The following GABBR2 variants were observed in gnomAD, a reference collection of about 807,000 sequenced individuals.
GABBR2 encodes G-protein coupled receptor 51.
GABBR2 carries 23 observed loss-of-function variants against 105.6 expected under a neutral mutation model. The ratio of observed to expected loss-of-function variants is 0.22; its 90% CI spans 0.16 to 0.31. GABBR2 has a LOEUF of 0.31. Ranked by LOEUF, GABBR2 falls within the 10% of genes least tolerant of loss-of-function variation. GABBR2 has a pLI of 1.00. For synonymous variants in GABBR2, 478 were observed against 499.7 expected (o/e 0.96, Z 0.58); for missense variants, 734 against 1,245.5 (o/e 0.59, Z 6.18).
intron 1 of GABBR2, among the ~76,000 whole-genome samples, chr9:98,707,009 T>C (rs1419809156): frequency 2.6e-5 from 4 of 152,172 alleles, no homozygotes; most frequent in Non-Finnish European, 5.9e-5. Flanking sequence ...AGGACGCCTC[T>C]CCGCCTGCAG....
intron 15 of GABBR2, 135 bp from the exon 16 acceptor site, chr9:98,303,558 C>A: frequency 2.7e-6 from 2 of 748,308 alleles, no homozygotes; most frequent in South Asian, 1.8e-5. Flanking sequence ...GGCTGGGAGT[C>A]AGGAGACCTA....
chr9:98,699,402 C>G (rs988437151), intron 1 of GABBR2, among the ~76,000 whole-genome samples: 1 of 152,004 alleles, frequency 6.6e-6, no homozygotes, highest in African/African-American at 2.4e-5. Flanking sequence ...AATAAGAACC[C>G]GAAAGAATGA....
At chr9:98,628,980 T>C (rs911587326) in intron 1 of GABBR2, among the ~76,000 whole-genome samples, 1 of 152,216 alleles carries the variant, frequency 6.6e-6, no homozygotes, top group Non-Finnish European at 1.5e-5. Context: ...GCTTGCCTTC[T>C]TGATCAATGT....
intron 11 of GABBR2, among the ~76,000 whole-genome samples, chr9:98,380,843 C>T (rs184894339): frequency 2.2e-4 from 34 of 152,320 alleles, no homozygotes; most frequent in Admixed American, 2.2e-3. Flanking sequence ...CTAGAGAGGC[C>T]TAATCTTGTG....
intron 11 of GABBR2, among the ~76,000 whole-genome samples, chr9:98,383,171 C>T (rs1176836293): frequency 6.6e-6 from 1 of 152,132 alleles, no homozygotes; most frequent in Admixed American, 6.5e-5. Context: ...GAACTCCTGA[C>T]CTCGGGTGAT....
At chr9:98,475,572 C>A (rs889808995) in intron 5 of GABBR2, among the ~76,000 whole-genome samples, 2 of 152,156 alleles carry the variant, frequency 1.3e-5, no homozygotes, top group African/African-American at 4.8e-5. Flanking sequence ...CACAACTACC[C>A]TATGAGGTAT....
At chr9:98,638,870 C>T (rs1157679474) in intron 1 of GABBR2, among the ~76,000 whole-genome samples, 1 of 152,224 alleles carries the variant, frequency 6.6e-6, no homozygotes, top group African/African-American at 2.4e-5. Flanking sequence ...AAAAGTTAAT[C>T]ACTTCTGTCT....
intron 11 of GABBR2, among the ~76,000 whole-genome samples, chr9:98,378,895 G>A (rs780121022): frequency 3.3e-5 from 5 of 152,194 alleles, no homozygotes; most frequent in Non-Finnish European, 1.5e-5. Context: ...CTTTTTTTAA[G>A]TAGAAAAGTA....
chr9:98,640,259 C>G (rs1203704886), intron 1 of GABBR2, among the ~76,000 whole-genome samples: 1 of 151,908 alleles, frequency 6.6e-6, no homozygotes, highest in African/African-American at 2.4e-5. Flanking sequence ...GTAGGTGCAC[C>G]AGTAACACAT....
Position 98,577,975 on chromosome 9 carries a change from G to C in GABBR2, c.419C>G (p.Ser140Cys). ...VFGGVCPSVT[S>C]IIAESLQGWN... ...GCCTTGGAGGGACTCTGCAATGATG[G>C]ATGTGACGGATGGACAGACGCCTCC... The change falls in exon 2 of 19, where the codon TCC (serine) becomes TGC (cysteine). Residue 140 changes from serine (S) to cysteine (C), a missense_variant. By Grantham distance (112) the Ser-to-Cys change is moderately radical. This residue lies in a region of GABBR2 where 370 missense variants were observed against 648.9 expected (regional missense o/e 0.57). Transcript: ENST00000259455. The C allele has an allele frequency of 6.2e-7, 1 of 1,614,050 alleles. No homozygotes were observed. The highest frequency in any genetic ancestry group is 1.1e-5 in the South Asian group (1 of 91,066).
At chr9:98,607,693 A>G (rs1464159388) in intron 1 of GABBR2, 1 of 751,946 alleles carries the variant, frequency 1.3e-6, no homozygotes, top group Non-Finnish European at 2.4e-6. Context: ...TATGTTGATA[A>G]GAACACACAT....
intron 1 of GABBR2, among the ~76,000 whole-genome samples, chr9:98,617,255 G>A (rs1047518001): frequency 6.6e-6 from 1 of 152,162 alleles, no homozygotes; most frequent in Non-Finnish European, 1.5e-5. Context: ...GGTGCTCAGG[G>A]GTACCAAGGA....
intron 2 of GABBR2, among the ~76,000 whole-genome samples, chr9:98,574,020 G>T (rs1259456533): frequency 6.6e-6 from 1 of 152,208 alleles, no homozygotes; most frequent in African/African-American, 2.4e-5. Flanking sequence ...GGCACTGAAG[G>T]AAAGGGGGAA....
chr9:98,661,425 G>C (rs1200855208), intron 1 of GABBR2, among the ~76,000 whole-genome samples: 1 of 151,502 alleles, frequency 6.6e-6, no homozygotes, highest in East Asian at 2.0e-4. Flanking sequence ...CCCCGATATG[G>C]AGTCTCACTC....
chr9:98,486,946 T>A (rs79732201), intron 4 of GABBR2, among the ~76,000 whole-genome samples: 1,576 of 152,100 alleles, frequency 0.01, 30 homozygotes, highest in African/African-American at 0.036. Context: ...CCACTGGAAA[T>A]GTCCATAAAG....
chr9:98,367,751 A>T (rs1217454821), intron 12 of GABBR2, among the ~76,000 whole-genome samples: 1 of 152,122 alleles, frequency 6.6e-6, no homozygotes, highest in Non-Finnish European at 1.5e-5. Context: ...TTATTTACCA[A>T]CCAAATTACA....
At chr9:98,318,607 C>A (rs547640564) in intron 13 of GABBR2, among the ~76,000 whole-genome samples, 1 of 152,132 alleles carries the variant, frequency 6.6e-6, no homozygotes, top group African/African-American at 2.4e-5. Context: ...CCTCTGATCA[C>A]GGGGCTCTTG....
chr9:98,523,617 T>C (rs1564103304), intron 3 of GABBR2, among the ~76,000 whole-genome samples: 2 of 152,188 alleles, frequency 1.3e-5, no homozygotes, highest in Non-Finnish European at 2.9e-5. Context: ...GTTCTAGATC[T>C]ACAGGAGGGG....
chr9:98,340,004 AC>A (rs1831182028), intron 13 of GABBR2, among the ~76,000 whole-genome samples: 1 of 152,064 alleles, frequency 6.6e-6, no homozygotes, highest in Admixed American at 6.5e-5. Context: ...GGTAGAAGTG[AC>A]ATGTGACACT....
Sources: gnomAD v4.1 joint callset for allele counts (sites outside exome capture counted in the v4.1 genomes callset) on GRCh38, gnomAD v4.1.1 for gene constraint, gnomAD v4.1.1 regional missense constraint, MANE v1.5 for transcripts, NCBI Gene and HGNC (gene_info 2026-07-23, HGNC 2026-07-21) for gene names.